Variants in SGCE observed in about 807,000 individuals in gnomAD.
The protein encoded by SGCE is sarcoglycan epsilon.
A neutral mutation model predicts 57.8 loss-of-function variants in SGCE; 26 were observed. That is an observed-to-expected ratio of 0.45 (90% CI 0.33 to 0.62). SGCE has a LOEUF of 0.62. SGCE is among the 20% of genes least tolerant of loss of function. SGCE has a pLI of 0.02. For synonymous variants in SGCE, 183 were observed against 189.5 expected (o/e 0.97, Z 0.28); for missense variants, 468 against 548.6 (o/e 0.85, Z 1.47).
intron 5 of SGCE, among the ~76,000 whole-genome samples, chr7:94,611,089 A>G (rs1034868789): frequency 7.9e-5 from 12 of 152,316 alleles, no homozygotes; most frequent in South Asian, 6.2e-4. Context: ...CAGTCTGGCA[A>G]TTCCTCAAAA....
At chr7:94,592,416 C>G (rs1401237525) in intron 9 of SGCE, among the ~76,000 whole-genome samples, 1 of 152,020 alleles carries the variant, frequency 6.6e-6, no homozygotes, top group African/African-American at 2.4e-5. Flanking sequence ...TATAATCCTT[C>G]CAAGGAGGGA....
In SGCE at chr7:94,585,138, A is replaced by T; in HGVS notation, c.*361T>A. The T allele has an allele frequency of 4.8e-6, 1 of 208,300 alleles. No individual in the cohort carries two copies. Among genetic ancestry groups the T allele is most frequent in the Non-Finnish European group, 9.7e-6 (1 of 103,620 alleles). 12.9% of individuals were successfully genotyped at this position (208,300 alleles called of 1,614,324 possible). On this transcript the variant is annotated 3_prime_UTR_variant, in exon 11 of 11. Coordinates refer to ENST00000648936, the MANE Select transcript of SGCE (RefSeq NM_003919.3). ...AGCACTAAAGTCTTGTGGAATGAGA[A>T]TGAACACATAAACCTGTTTCTAGCG...
intron 10 of SGCE, chr7:94,587,987 T>G: frequency 7.1e-7 from 1 of 1,410,066 alleles, no homozygotes. Flanking sequence ...TTCTCTTGCT[T>G]TTCCAAAAGA....
intron 4 of SGCE, among the ~76,000 whole-genome samples, chr7:94,623,029 C>T (rs1455517767): frequency 6.6e-6 from 1 of 152,044 alleles, no homozygotes; most frequent in Non-Finnish European, 1.5e-5. Flanking sequence ...TGAATCCTTA[C>T]CCCACACTTA....
At chr7:94,587,855 T>TGAAAACATCCAAC in intron 10 of SGCE, 1 of 1,527,302 alleles carries the variant, frequency 6.5e-7, no homozygotes, top group Non-Finnish European at 8.8e-7. Flanking sequence ...AATTTCTGAA[T>TGAAAACATCCAAC]GAAAACATCC....
intron 5 of SGCE, among the ~76,000 whole-genome samples, chr7:94,606,339 G>A (rs1800136343): frequency 6.6e-6 from 1 of 152,180 alleles, no homozygotes; most frequent in Non-Finnish European, 1.5e-5. Context: ...ATTAATTTCA[G>A]ACAGAGCCAA....
intron 6 of SGCE, among the ~76,000 whole-genome samples, chr7:94,602,859 A>AGG (rs1799496838): frequency 6.6e-6 from 1 of 152,138 alleles, no homozygotes; most frequent in Non-Finnish European, 1.5e-5. Context: ...CTATAATTTG[A>AGG]GTTGTCAGAA....
intron 1 of SGCE, among the ~76,000 whole-genome samples, chr7:94,643,667 A>G (rs1806692730): frequency 6.6e-6 from 1 of 152,220 alleles, no homozygotes; most frequent in Non-Finnish European, 1.5e-5. Flanking sequence ...AGAAACTTTA[A>G]TAATAGGGAA....
intron 5 of SGCE, among the ~76,000 whole-genome samples, chr7:94,611,721 A>G (rs1387246158): frequency 6.6e-6 from 1 of 152,216 alleles, no homozygotes; most frequent in African/African-American, 2.4e-5. Context: ...CAAAAGTTCA[A>G]AGCTATGTAA....
intron 10 of SGCE, chr7:94,587,534 G>A: frequency 7.7e-7 from 1 of 1,299,612 alleles, no homozygotes; most frequent in Non-Finnish European, 9.7e-7. Context: ...AAATAGCTGT[G>A]AAATTAGTGG....
chr7:94,598,335 A>C (rs913476494), intron 9 of SGCE: 1 of 187,954 alleles, frequency 5.3e-6, no homozygotes, highest in Non-Finnish European at 1.1e-5. Flanking sequence ...CATAAAAAAC[A>C]ACCCAAACAC....
intron 5 of SGCE, among the ~76,000 whole-genome samples, chr7:94,607,191 A>G (rs1343612974): frequency 6.6e-6 from 1 of 152,220 alleles, no homozygotes; most frequent in Non-Finnish European, 1.5e-5. Flanking sequence ...TCAGGTCCAG[A>G]TGGGTTCACT....
chr7:94,598,660 A>G, intron 9 of SGCE, 115 bp downstream of exon 9: 1 of 813,332 alleles, frequency 1.2e-6, no homozygotes, highest in Non-Finnish European at 2.2e-6. Flanking sequence ...TCCTTTTGTT[A>G]TTTTCTCTTC....
At position 94,618,880 on chromosome 7, in the gene SGCE, A is replaced by G. The variant is rs199727473; in HGVS notation, c.540T>C (p.Leu180=). ...NVEEMLASEV[L]GDFLGAVKNV... is the part of the protein sequence containing the mutation. ...TTTTCACTGCGCCAAGAAAGTCTCC[A>G]AGAACCTCACTGGCCAACATTTCTT... Residue 180 remains leucine, a synonymous_variant, in exon 5 of 11, where the codon CTT becomes CTC. Transcript: ENST00000648936. 6.2e-7 allele frequency: 1 copy of G among 1,614,060 alleles called. No homozygotes were observed. Among genetic ancestry groups the G allele is most frequent in the East Asian group, 2.2e-5 (1 of 44,864 alleles).
chr7:94,601,568 G>C (rs151108741), intron 6 of SGCE, among the ~76,000 whole-genome samples: 1 of 150,396 alleles, frequency 6.6e-6, no homozygotes, highest in African/African-American at 2.5e-5. Context: ...TTTATTGAAG[G>C]ACACTAAAAA....
rs376456405 is a variant in SGCE, at chr7:94,623,321, C to G, written c.463+4G>C. 2 of 1,549,294 alleles carry G rather than the reference C, an allele frequency of 1.3e-6. No individual in the cohort carries two copies. The highest frequency in any genetic ancestry group is 1.8e-6 in the Non-Finnish European group (2 of 1,125,904). On this transcript the variant is annotated splice_donor_region_variant and intron_variant, in intron 4 of 10. Coordinates refer to ENST00000648936, the MANE Select transcript of SGCE (RefSeq NM_003919.3). ...AGAAATGATCAACATATTTTCATAC[C>G]TACCTTCTGCAGACATTATATTAAT...
intron 10 of SGCE, chr7:94,587,432 A>G (rs1472177318): frequency 3.4e-6 from 4 of 1,164,492 alleles, no homozygotes; most frequent in Non-Finnish European, 4.2e-6. Context: ...GAAGATAGAA[A>G]TCTTAGGCGA....
At chr7:94,599,191 A>C in intron 8 of SGCE, 2 of 482,698 alleles carry the variant, frequency 4.1e-6, no homozygotes, top group East Asian at 7.1e-5. Context: ...GTTTTATTAA[A>C]CTAAGCTATG....
intron 1 of SGCE, among the ~76,000 whole-genome samples, chr7:94,649,461 G>C (rs1351037434): frequency 1.3e-5 from 2 of 152,216 alleles, no homozygotes; most frequent in East Asian, 1.9e-4. Context: ...GCCAGAGCCA[G>C]AGCAAGCAAG....
Sources: allele counts gnomAD v4.1 joint callset (sites outside exome capture counted in the v4.1 genomes callset), GRCh38; gene constraint gnomAD v4.1.1; transcripts MANE v1.5; gene names NCBI Gene and HGNC (gene_info 2026-07-23, HGNC 2026-07-21).